Variants in SOX6 observed in about 807,000 individuals in gnomAD.
The protein encoded by SOX6 is SRY-box transcription factor 6.
In SOX6, 11 loss-of-function variants were observed where a neutral mutation model predicts 97.8. That is an observed-to-expected ratio of 0.11 (90% CI 0.07 to 0.19). The LOEUF is 0.19. SOX6 is among the 10% of genes least tolerant of loss of function. The pLI is 1.00. For synonymous variants in SOX6, 360 were observed against 371.4 expected (o/e 0.97, Z 0.35); for missense variants, 810 against 1,039.5 (o/e 0.78, Z 3.04).
intron 1 of SOX6, among the ~76,000 whole-genome samples, chr11:16,354,500 T>C (rs905054881): frequency 1.3e-5 from 2 of 151,930 alleles, no homozygotes; most frequent in African/African-American, 4.8e-5. Context: ...ATTGTTACTG[T>C]TTCTCAAAAG....
Position 16,318,325 on chromosome 11 carries a change from T to C in SOX6, c.445+121A>G. 3.8e-6 allele frequency: 4 copies of C among 1,057,502 alleles called. No homozygotes were observed. The South Asian group carries it at 4.0e-5, about 10-fold the overall frequency. The allele number at this position is 1,057,502 out of a possible 1,614,324, so 65.5% of individuals were successfully genotyped here. ...ACCATAGTAACCTCTGAATAACTTTTTCCTAGCTAGTGACAATTATGCACT... is the reference window on the plus strand; with the variant it reads ...ACCATAGTAACCTCTGAATAACTTTCTCCTAGCTAGTGACAATTATGCACT... On this transcript the variant is annotated intron_variant, in intron 3 of 15. Coordinates refer to ENST00000683767, the MANE Select transcript of SOX6 (RefSeq NM_001367873.1).
chr11:16,441,182 C>T (rs1859497176), intron 1 of SOX6, among the ~76,000 whole-genome samples: 1 of 152,102 alleles, frequency 6.6e-6, no homozygotes, highest in Non-Finnish European at 1.5e-5. Context: ...CTCAGTTAGA[C>T]ATGTACACTC....
At chr11:16,215,043 C>T (rs1852335361) in intron 4 of SOX6, among the ~76,000 whole-genome samples, 1 of 152,118 alleles carries the variant, frequency 6.6e-6, no homozygotes, top group African/African-American at 2.4e-5. Context: ...CCATCGCGCC[C>T]AGCCTAGAAC....
chr11:16,197,114 G>C (rs185665747), intron 4 of SOX6, among the ~76,000 whole-genome samples: 2 of 152,136 alleles, frequency 1.3e-5, no homozygotes, highest in East Asian at 3.9e-4. Flanking sequence ...GATTACAGGC[G>C]GGAGCCACCA....
intron 2 of SOX6, among the ~76,000 whole-genome samples, chr11:16,321,450 G>A (rs1406967123): frequency 6.6e-6 from 1 of 152,102 alleles, no homozygotes; most frequent in Non-Finnish European, 1.5e-5. Flanking sequence ...ACTTTAGATT[G>A]TCCTGAGAGC....
chr11:16,403,182 C>T (rs2134445239), intron 1 of SOX6, among the ~76,000 whole-genome samples: 1 of 151,746 alleles, frequency 6.6e-6, no homozygotes, highest in South Asian at 2.1e-4. Context: ...AAAATAATGA[C>T]GTACCTCCAG....
intron 4 of SOX6, among the ~76,000 whole-genome samples, chr11:16,587,058 C>A (rs1245592563): frequency 6.6e-6 from 1 of 152,198 alleles, no homozygotes; most frequent in East Asian, 1.9e-4. Flanking sequence ...AATAAACACA[C>A]CTGCTGAAAT....
chr11:16,430,852 CT>C (rs1342643211), intron 1 of SOX6, among the ~76,000 whole-genome samples: 2 of 152,178 alleles, frequency 1.3e-5, no homozygotes, highest in Non-Finnish European at 2.9e-5. Context: ...GACCATGTCA[CT>C]TTTCTGCTGA....
chr11:16,731,990 T>C (rs867033240), intron 2 of SOX6, among the ~76,000 whole-genome samples: 5 of 152,142 alleles, frequency 3.3e-5, no homozygotes, highest in African/African-American at 7.2e-5. Context: ...CCATCCACAA[T>C]TGCTACAAAG....
chr11:16,106,228 A>G (rs1849079696), intron 7 of SOX6, among the ~76,000 whole-genome samples: 1 of 152,110 alleles, frequency 6.6e-6, no homozygotes, highest in Admixed American at 6.6e-5. Context: ...GAATTACAAG[A>G]GGTCCCAATA....
At chr11:16,062,955 A>G (rs1847994873) in intron 9 of SOX6, among the ~76,000 whole-genome samples, 1 of 151,784 alleles carries the variant, frequency 6.6e-6, no homozygotes, top group Non-Finnish European at 1.5e-5. Context: ...TCATATAATT[A>G]GTATTGAAGT....
At chr11:16,385,462 G>T (rs1857955715) in intron 1 of SOX6, among the ~76,000 whole-genome samples, 1 of 151,928 alleles carries the variant, frequency 6.6e-6, no homozygotes, top group African/African-American at 2.4e-5. Context: ...TTATCCTTGG[G>T]AAATAAACAA....
At chr11:16,244,489 C>T (rs1853279122) in intron 3 of SOX6, among the ~76,000 whole-genome samples, 2 of 151,614 alleles carry the variant, frequency 1.3e-5, no homozygotes, top group Non-Finnish European at 3.0e-5. Context: ...TCTGGATTCT[C>T]TCTATGAAAT....
At chr11:16,627,102 C>T (rs1848633336) in intron 3 of SOX6, among the ~76,000 whole-genome samples, 1 of 152,158 alleles carries the variant, frequency 6.6e-6, no homozygotes, top group Admixed American at 6.5e-5. Context: ...TGTTAATTCG[C>T]TTAGGATAAT....
chr11:16,431,596 G>T (rs934571592), intron 1 of SOX6, among the ~76,000 whole-genome samples: 1 of 151,938 alleles, frequency 6.6e-6, no homozygotes, highest in African/African-American at 2.4e-5. Context: ...TTATAAACTA[G>T]ATGAGGAAAA....
At chr11:16,701,016 C>A (rs1318843786) in intron 3 of SOX6, among the ~76,000 whole-genome samples, 1 of 152,230 alleles carries the variant, frequency 6.6e-6, no homozygotes, top group Non-Finnish European at 1.5e-5. Flanking sequence ...ACCAGACTGA[C>A]TTTTTCCCAT....
chr11:16,110,367 T>C (rs1384549025), intron 7 of SOX6: 1 of 151,402 alleles, frequency 6.6e-6, no homozygotes, highest in Non-Finnish European at 1.5e-5. Flanking sequence ...TTAGAATGAC[T>C]TACAGAGATC....
At chr11:16,132,284 AAGGAAGGAAGGAAGGAAGGAAGGAAG>A in intron 6 of SOX6, among the ~76,000 whole-genome samples, 1 of 73,752 alleles carries the variant, frequency 1.4e-5, no homozygotes, top group South Asian at 4.9e-4. Flanking sequence ...GGAAGGAAGG[AAGGAAGGAAGGAAGGAAGGAAGGAAG>A]GAAGGAAGGA....
At chr11:16,287,769 G>A (rs1286358382) in intron 3 of SOX6, among the ~76,000 whole-genome samples, 1 of 151,968 alleles carries the variant, frequency 6.6e-6, no homozygotes, top group East Asian at 1.9e-4. Context: ...GAGAATTCCT[G>A]GTATACTCAT....
Sources: gnomAD v4.1 joint callset for allele counts (sites outside exome capture counted in the v4.1 genomes callset) on GRCh38, gnomAD v4.1.1 for gene constraint, MANE v1.5 for transcripts, NCBI Gene and HGNC (gene_info 2026-07-23, HGNC 2026-07-21) for gene names.